IGSF9: variants seen among roughly 807,000 people sequenced by gnomAD.
The protein encoded by IGSF9 is protein turtle homolog A.
Under a neutral mutation model 121.7 loss-of-function variants are expected in IGSF9, and 87 were observed. The ratio of observed to expected loss-of-function variants is 0.71; its 90% CI spans 0.60 to 0.85. The LOEUF is 0.85. Among genes scored for constraint, IGSF9 ranks in the 40% least tolerant of loss-of-function variants. The pLI is 0.00. For synonymous variants in IGSF9, 640 were observed against 648.4 expected (o/e 0.99, Z 0.20); for missense variants, 1,462 against 1,565.3 (o/e 0.93, Z 1.11).
Position 159,931,453 on chromosome 1 carries a change from C to T in IGSF9, c.1513G>A (p.Gly505Ser), listed in dbSNP as rs1484005550. 2 of 1,612,948 alleles carry T rather than the reference C, an allele frequency of 1.2e-6. No homozygotes were observed. Among genetic ancestry groups the T allele is most frequent in the African/African-American group, 2.7e-5 (2 of 74,918 alleles). ...CCTGGCCCTCTCTCCAGCCACTAAC[C>T]CAGCACGTAGACGTTCGTGGAGGTG... Reference protein sequence around the residue: ...VATSTNVYVLGTSPHVVTNVS... With the variant: ...VATSTNVYVLSTSPHVVTNVS... The change falls in exon 12 of 21, where the codon GGC becomes AGC. Residue 505 changes from glycine to serine, a missense_variant and splice_region_variant. By Grantham distance (56) the Gly-to-Ser change is moderately conservative. Coordinates refer to ENST00000368094, the MANE Select transcript of IGSF9 (RefSeq NM_001135050.2). This position sits in a 1 kb window ranked among gnomAD's most constrained non-coding sequence, Gnocchi z 4.8.
Position 159,931,107 on chromosome 1 carries a change from C to A in IGSF9, c.1637+31G>T, listed in dbSNP as rs1399918015. 1 of 1,613,866 alleles carries A rather than the reference C, an allele frequency of 6.2e-7. No homozygotes were observed. The highest frequency in any genetic ancestry group is 2.2e-5 in the East Asian group (1 of 44,888). On this transcript the variant is annotated intron_variant, in intron 13 of 20. Transcript: ENST00000368094. The surrounding 1 kb of genome is among the most constrained non-coding windows in gnomAD (Gnocchi z 4.8). The stretch of plus-strand genomic sequence containing the variant: ...AGGAGAGGAAAGGAGGCAAGATTGG[C>A]ACAGAGAAATGGCAGGAGCAGGTCA...
In IGSF9 at chr1:159,934,832, G is replaced by A; in HGVS notation, c.674-10C>T. The A allele has an allele frequency of 6.2e-7, 1 of 1,613,862 alleles. No homozygotes were observed. The highest frequency in any genetic ancestry group is 8.5e-7 in the Non-Finnish European group (1 of 1,179,948). On this transcript the variant is annotated splice_polypyrimidine_tract_variant and intron_variant, in intron 6 of 20. Coordinates refer to ENST00000368094, the MANE Select transcript of IGSF9 (RefSeq NM_001135050.2). ...ACGATGACTGGGGGTCCTGTGGGAT[G>A]CACAAGGGGAGGAAGGTGGCCTCAG... is the stretch of plus-strand genomic sequence containing the variant.
intron 17 of IGSF9, 74 bp from the exon 18 acceptor site, chr1:159,929,467 C>A: frequency 6.4e-7 from 1 of 1,566,070 alleles, no homozygotes; most frequent in South Asian, 1.1e-5. Context: ...TCTCACCCAA[C>A]ACCAGGCGCC....
In IGSF9 at chr1:159,930,013, C is replaced by T. The variant is rs377623513; in HGVS notation, c.2065-38G>A. 219 of 1,583,758 alleles carry T rather than the reference C, an allele frequency of 1.4e-4. 1 individual carries two copies. The highest frequency in any genetic ancestry group is 1.7e-4 in the Non-Finnish European group (197 of 1,163,896). ...TGGGGTACCAGGAGGGAGGTCAGGG[C>T]CCAGCACCGCCCAACCCAGCGGGGC... On this transcript the variant is annotated intron_variant, in intron 15 of 20. Transcript: ENST00000368094.
At position 159,937,541 on chromosome 1, in the gene IGSF9, A is replaced by C. The variant is rs1268412344; in HGVS notation, c.400+145T>G. ...GGTGAGATGCAACTACTAAGTGAGC[A>C]AACAAGGGCTCTCAGGAAGGGTGGG... On this transcript the variant is annotated intron_variant, in intron 4 of 20. Coordinates refer to ENST00000368094, the MANE Select transcript of IGSF9 (RefSeq NM_001135050.2). 7 of 826,822 alleles carry C rather than the reference A, an allele frequency of 8.5e-6. No individual in the cohort carries two copies. The East Asian group carries it at 1.8e-4, about 22-fold the overall frequency. 51.2% of individuals were successfully genotyped at this position (826,822 alleles called of 1,614,324 possible). A position where few individuals can be genotyped will look rare whatever the true frequency, so the allele number is the denominator to read the frequency against.
intron 1 of IGSF9, among the ~76,000 whole-genome samples, chr1:159,944,210 A>C (rs1651510260): frequency 6.6e-6 from 1 of 152,072 alleles, no homozygotes; most frequent in Non-Finnish European, 1.5e-5. Flanking sequence ...ACACCCCGAT[A>C]CAATCCCTTG....
In IGSF9 at chr1:159,932,075, C is replaced by A; in HGVS notation, c.1246-147G>T. The A allele has an allele frequency of 1.7e-6, 1 of 604,968 alleles. No individual in the cohort carries two copies. 37.5% of individuals were successfully genotyped at this position (604,968 alleles called of 1,614,324 possible). The stretch of plus-strand genomic sequence containing the variant: ...ACACTCACCAAGCCTGTCTCTACCT[C>A]ATTCTCTCTCCATCTCTCAATTCCT... On this transcript the variant is annotated intron_variant, in intron 10 of 20. Coordinates refer to ENST00000368094, the MANE Select transcript of IGSF9 (RefSeq NM_001135050.2). This position sits in a 1 kb window ranked among gnomAD's most constrained non-coding sequence, Gnocchi z 4.1.
chr1:159,929,144 C>A, intron 18 of IGSF9, 126 bp from the exon 19 acceptor site: 9 of 1,382,036 alleles, frequency 6.5e-6, no homozygotes, highest in Non-Finnish European at 6.0e-6. Context: ...AGGAAAGGAC[C>A]AACAAGGTGG....
At chr1:159,933,950 A>C (rs746833629) in intron 9 of IGSF9, 4 of 554,088 alleles carry the variant, frequency 7.2e-6, no homozygotes, top group Non-Finnish European at 1.3e-5. Flanking sequence ...CATTTTCCCC[A>C]GAGATCATCT....
chr1:159,929,624 G>A lies in IGSF9; in HGVS notation c.2326+14C>T. ...CAAGTGCGCAGTAGCAGGGCTGAGG[G>A]TGGAGGGACTTACCTTGGCGGAGGC... On this transcript the variant is annotated intron_variant, in intron 17 of 20. Transcript: ENST00000368094. The A allele has an allele frequency of 6.3e-7, 1 of 1,590,366 alleles. No homozygotes were observed. Among genetic ancestry groups the A allele is most frequent in the Non-Finnish European group, 8.5e-7 (1 of 1,169,654 alleles).
intron 3 of IGSF9, among the ~76,000 whole-genome samples, chr1:159,940,201 CA>C (rs1651331016): frequency 2.6e-5 from 4 of 152,212 alleles, no homozygotes; most frequent in African/African-American, 9.7e-5. Context: ...TTTCCATGGA[CA>C]CGGGTGTTAG....
Position 159,934,817 on chromosome 1 carries a change from G to C in IGSF9, c.679C>G (p.Pro227Ala), listed in dbSNP as rs1651131588. 1 of 1,614,036 alleles carries C rather than the reference G, an allele frequency of 6.2e-7. No homozygotes were observed. Residue 227 changes from proline (P) to alanine (A), a missense_variant, in exon 7 of 21, where the codon CCA becomes GCA. Physicochemically the swap from Pro to Ala is conservative, Grantham distance 27. Transcript: ENST00000368094. ...HATQLLVLGPPVIVVPPKNST... is the reference protein window; with the variant it reads ...HATQLLVLGPAVIVVPPKNST... ...TTCTTGGGGGGCACCACGATGACTG[G>C]GGGTCCTGTGGGATGCACAAGGGGA...
At chr1:159,940,062 G>A (rs570590201) in intron 3 of IGSF9, among the ~76,000 whole-genome samples, 1 of 152,316 alleles carries the variant, frequency 6.6e-6, no homozygotes, top group East Asian at 1.9e-4. Flanking sequence ...TCTAATATTA[G>A]GCGTTGTCAC....
At chr1:159,929,505 G>T in intron 17 of IGSF9, 112 bp from the exon 18 acceptor site, 1 of 1,498,346 alleles carries the variant, frequency 6.7e-7, no homozygotes, top group South Asian at 1.2e-5. Flanking sequence ...GAAAAGCGTA[G>T]GCAGGACCAG....
chr1:159,927,662 G>A, intron 20 of IGSF9, 98 bp downstream of exon 20: 1 of 1,548,234 alleles, frequency 6.5e-7, no homozygotes. Flanking sequence ...GAGGAGCCTG[G>A]GAGGCAGGGC....
chr1:159,929,734 A>G lies in IGSF9; in HGVS notation c.2230T>C (p.Cys744Arg). The G allele has an allele frequency of 6.2e-7, 1 of 1,602,892 alleles. No individual in the cohort carries two copies. Among genetic ancestry groups the G allele is most frequent in the Non-Finnish European group, 8.5e-7 (1 of 1,175,642 alleles). The change falls in exon 17 of 21, where the codon TGC becomes CGC. Residue 744 changes from cysteine (C) to arginine (R), a missense_variant. Transcript: ENST00000368094. The stretch of plus-strand genomic sequence containing the variant: ...ACAAGGACGGCCACTCCCAGAAAGC[A>G]GACTCCGCCCACCACGCCGGCCAGC... ...PVLAGVVGGV[C>R]FLGVAVLVSI...
At chr1:159,937,563 T>G in intron 4 of IGSF9, 123 bp downstream of exon 4, 1 of 1,052,476 alleles carries the variant, frequency 9.5e-7, no homozygotes. Flanking sequence ...TCAGGAAGGG[T>G]GGGGCATCAG....
chr1:159,931,637 G>T lies in IGSF9; in HGVS notation c.1363-34C>A. On this transcript the variant is annotated intron_variant, in intron 11 of 20. Coordinates refer to ENST00000368094, the MANE Select transcript of IGSF9 (RefSeq NM_001135050.2). The surrounding 1 kb of genome is among the most constrained non-coding windows in gnomAD (Gnocchi z 4.8). ...CCACTGGTGAGCCCTGAGGACACAC[G>T]CAGCCACCCCTCACCAAAGGCGCCC... is the stretch of plus-strand genomic sequence containing the variant. 1 of 1,602,300 alleles carries T rather than the reference G, an allele frequency of 6.2e-7. No individual in the cohort carries two copies. The highest frequency in any genetic ancestry group is 1.7e-5 in the Admixed American group (1 of 59,682).
rs772471232 is a variant in IGSF9 at position 159,930,680 on chromosome 1, G to T, written c.1813+12C>A. The T allele has an allele frequency of 1.9e-6, 3 of 1,613,908 alleles. No homozygotes were observed. In the South Asian group the frequency reaches 3.3e-5, roughly 18 times the overall value. On this transcript the variant is annotated intron_variant, in intron 14 of 20. Transcript: ENST00000368094. ...CCTTGTCTCTGCTGTTCTGGGACGAGAAGCTTCTCACCTTCCGGAGCAGAC... is the reference window on the plus strand; with the variant it reads ...CCTTGTCTCTGCTGTTCTGGGACGATAAGCTTCTCACCTTCCGGAGCAGAC...
Sources: allele counts gnomAD v4.1 joint callset (sites outside exome capture counted in the v4.1 genomes callset), GRCh38; gene constraint gnomAD v4.1.1; non-coding constraint Gnocchi (gnomAD v3.1); transcripts MANE v1.5; gene names NCBI Gene and HGNC (gene_info 2026-07-23, HGNC 2026-07-21).